Variants in HPD observed in about 807,000 individuals in gnomAD.
The protein encoded by HPD is 4-hydroxyphenylpyruvate dioxygenase.
In HPD, 35 loss-of-function variants were observed where a neutral mutation model predicts 56.9. That is an observed-to-expected ratio of 0.62 (90% CI 0.47 to 0.82). The LOEUF is 0.82. Among genes scored for constraint, HPD ranks in the 40% least tolerant of loss-of-function variants. The pLI, the probability that HPD is intolerant of heterozygous loss-of-function variation, is 0.00. For synonymous variants in HPD, 186 were observed against 200.2 expected (o/e 0.93, Z 0.60); for missense variants, 442 against 506.8 (o/e 0.87, Z 1.23).
chr12:121,869,990 C>A, the HPD span, among the ~76,000 whole-genome samples: 2 of 151,904 alleles, frequency 1.3e-5, no homozygotes, highest in African/African-American at 4.8e-5. Flanking sequence ...GTTGCCTAGG[C>A]TAACCTTGAA....
At chr12:121,845,215 G>GC (rs998349907) in intron 11 of HPD, among the ~76,000 whole-genome samples, 12 of 149,876 alleles carry the variant, frequency 8.0e-5, no homozygotes, top group African/African-American at 3.1e-4. Context: ...CCCAGGCTCA[G>GC]CTGATCCTCC....
upstream of HPD, among the ~76,000 whole-genome samples, chr12:121,861,639 A>G (rs946636745): frequency 6.6e-6 from 1 of 152,212 alleles, no homozygotes; most frequent in Non-Finnish European, 1.5e-5. Flanking sequence ...AAATGGAGAT[A>G]CACTTTCAGG....
chr12:121,855,573 T>C (rs969241607), intron 6 of HPD, among the ~76,000 whole-genome samples: 11 of 151,780 alleles, frequency 7.2e-5, no homozygotes, highest in South Asian at 2.1e-4. Context: ...AAAAATTAGC[T>C]GGGCATGGTG....
At chr12:121,866,514 G>T (rs1344915676), upstream of HPD, among the ~76,000 whole-genome samples, 1 of 151,808 alleles carries the variant, frequency 6.6e-6, no homozygotes, top group East Asian at 1.9e-4. Flanking sequence ...CATGCCAACG[G>T]TTCTCAGCCA....
the HPD span, among the ~76,000 whole-genome samples, chr12:121,869,350 CA>C: frequency 1.6e-3 from 180 of 115,488 alleles, no homozygotes; most frequent in East Asian, 0.01. Flanking sequence ...AACTTCGTCT[CA>C]AAAAAAAAAA....
At chr12:121,849,359 C>T (rs141439593) in intron 8 of HPD, among the ~76,000 whole-genome samples, 6 of 152,070 alleles carry the variant, frequency 3.9e-5, no homozygotes, top group Admixed American at 1.3e-4. Context: ...ACTAATGGGC[C>T]GGACATTTTA....
At chr12:121,841,517 C>T (rs930656957) in intron 12 of HPD, among the ~76,000 whole-genome samples, 3 of 152,134 alleles carry the variant, frequency 2.0e-5, no homozygotes, top group Non-Finnish European at 4.4e-5. Flanking sequence ...GTGGAAACAA[C>T]CCAAATATCT....
intron 11 of HPD, among the ~76,000 whole-genome samples, chr12:121,844,519 G>A (rs909884644): frequency 2.0e-5 from 3 of 151,694 alleles, no homozygotes; most frequent in Non-Finnish European, 4.4e-5. Context: ...AGGCTGAGGC[G>A]GGCAGATCAC....
At chr12:121,885,940 C>T in the HPD span, among the ~76,000 whole-genome samples, 2 of 150,010 alleles carry the variant, frequency 1.3e-5, no homozygotes, top group East Asian at 4.2e-4. Flanking sequence ...GCCTGGGCAA[C>T]AGAGCCACCA....
chr12:121,873,429 G>A, the HPD span, among the ~76,000 whole-genome samples: 1 of 152,198 alleles, frequency 6.6e-6, no homozygotes, highest in African/African-American at 2.4e-5. Flanking sequence ...CAGGGCCCCG[G>A]TAGGGCTGGC....
the HPD span, among the ~76,000 whole-genome samples, chr12:121,870,556 T>G: frequency 1.3e-5 from 2 of 150,588 alleles, no homozygotes; most frequent in Non-Finnish European, 3.0e-5. Context: ...TGTCAGGGGG[T>G]TTAGATTTTA....
chr12:121,863,405 C>G (rs2137641468), upstream of HPD: 1 of 152,348 alleles, frequency 6.6e-6, no homozygotes, highest in South Asian at 2.1e-4. Flanking sequence ...ACTGGACTCT[C>G]AAAACTCCCC....
chr12:121,843,575 G>A (rs960130782), intron 12 of HPD, 135 bp downstream of exon 12: 1 of 967,546 alleles, frequency 1.0e-6, no homozygotes, highest in Non-Finnish European at 1.6e-6. Context: ...CTCCCACATA[G>A]ACCCTAGAAT....
the HPD span, among the ~76,000 whole-genome samples, chr12:121,875,598 G>T: frequency 1.3e-5 from 2 of 151,850 alleles, no homozygotes; most frequent in South Asian, 4.2e-4. Context: ...GCTAATTTTT[G>T]AATTTCTTAT....
intron 11 of HPD, among the ~76,000 whole-genome samples, chr12:121,844,035 G>A (rs1213863126): frequency 6.6e-6 from 1 of 152,066 alleles, no homozygotes; most frequent in Non-Finnish European, 1.5e-5. Flanking sequence ...CACTCACCAT[G>A]TGCCTGCCTT....
chr12:121,847,904 T>C (rs1877639992), intron 9 of HPD, among the ~76,000 whole-genome samples: 1 of 152,150 alleles, frequency 6.6e-6, no homozygotes, highest in African/African-American at 2.4e-5. Context: ...GTTCAAGCCA[T>C]CCACCTGCCT....
chr12:121,862,856 A>G (rs1565881102), upstream of HPD, among the ~76,000 whole-genome samples: 1 of 147,636 alleles, frequency 6.8e-6, no homozygotes, highest in Non-Finnish European at 1.5e-5. Context: ...AATGTTTTGT[A>G]TTTTTAGTAG....
chr12:121,846,351 G>A (rs1250506506), intron 11 of HPD, among the ~76,000 whole-genome samples: 1 of 152,122 alleles, frequency 6.6e-6, no homozygotes, highest in Non-Finnish European at 1.5e-5. Flanking sequence ...TGAGAAGCTG[G>A]GATTACAGGT....
At chr12:121,855,716 C>CAT (rs1877967475) in intron 6 of HPD, among the ~76,000 whole-genome samples, 1 of 150,594 alleles carries the variant, frequency 6.6e-6, no homozygotes, top group Non-Finnish European at 1.5e-5. Context: ...GACTCTGACA[C>CAT]ACACACACAC....
Sources: gnomAD v4.1 joint callset for allele counts (sites outside exome capture counted in the v4.1 genomes callset) on GRCh38, gnomAD v4.1.1 for gene constraint, MANE v1.5 for transcripts, NCBI Gene and HGNC (gene_info 2026-07-23, HGNC 2026-07-21) for gene names.